The following DENND5B variants were observed in gnomAD, a reference collection of about 807,000 sequenced individuals.
DENND5B encodes DENN domain containing 5B.
Under a neutral mutation model 140.6 loss-of-function variants are expected in DENND5B, and 34 were observed. The ratio of observed to expected loss-of-function variants is 0.24; its 90% CI spans 0.18 to 0.32. DENND5B has a LOEUF of 0.32. Ranked by LOEUF, DENND5B falls within the 10% of genes least tolerant of loss-of-function variation. The pLI, the probability that DENND5B is intolerant of heterozygous loss-of-function variation, is 1.00. For missense variants in DENND5B, 1,142 were observed against 1,560.2 expected (o/e 0.73, Z 4.52); for synonymous variants, 551 against 562.1 (o/e 0.98, Z 0.28).
intron 3 of DENND5B, among the ~76,000 whole-genome samples, chr12:31,463,071 C>T (rs1284525385): frequency 8.1e-4 from 123 of 152,058 alleles, no homozygotes; most frequent in Admixed American, 7.9e-3. Flanking sequence ...AAGACTAGCC[C>T]GCCCATCATG....
intron 1 of DENND5B, among the ~76,000 whole-genome samples, chr12:31,527,375 A>G (rs1175472218): frequency 1.3e-5 from 2 of 152,006 alleles, no homozygotes; most frequent in East Asian, 3.9e-4. Flanking sequence ...TGAAGAGGAG[A>G]GAAAGCTCCA....
rs529356094 is a variant in DENND5B at position 31,398,634 on chromosome 12, G to A, written c.3069-272C>T. On this transcript the variant is annotated intron_variant, in intron 16 of 20. Transcript: ENST00000389082. Reference sequence around the variant, plus strand: ...TTTCAAACTAGAAATTAATTTGGGAGTTCAGGCACAGAAGAAAAGAGGACA... The same window carrying A: ...TTTCAAACTAGAAATTAATTTGGGAATTCAGGCACAGAAGAAAAGAGGACA... Among the ~76,000 whole-genome samples, 6 of 152,216 alleles carry A rather than the reference G, an allele frequency of 3.9e-5. No homozygotes were observed. The South Asian group carries it at 1.2e-3, about 32-fold the overall frequency.
At chr12:31,545,516 A>AT (rs1489328873) in intron 1 of DENND5B, among the ~76,000 whole-genome samples, 1 of 152,228 alleles carries the variant, frequency 6.6e-6, no homozygotes, top group Non-Finnish European at 1.5e-5. Context: ...ACAGTGAAAA[A>AT]TTATAAATGA....
At chr12:31,507,633 A>AT (rs1319277068) in intron 1 of DENND5B, among the ~76,000 whole-genome samples, 1 of 152,270 alleles carries the variant, frequency 6.6e-6, no homozygotes, top group Non-Finnish European at 1.5e-5. Flanking sequence ...AGAAAAAAAA[A>AT]TTTTTTAAGT....
At chr12:31,558,337 A>G (rs758054547) in intron 1 of DENND5B, among the ~76,000 whole-genome samples, 20 of 152,162 alleles carry the variant, frequency 1.3e-4, no homozygotes, top group Non-Finnish European at 2.5e-4. Context: ...ACTCTCCACA[A>G]TGACATGAGT....
At chr12:31,546,103 T>TTAA (rs1219282436) in intron 1 of DENND5B, among the ~76,000 whole-genome samples, 1 of 152,086 alleles carries the variant, frequency 6.6e-6, no homozygotes, top group African/African-American at 2.4e-5. Context: ...CTTTCTAGTT[T>TTAA]TAATAACCAG....
chr12:31,436,778 G>A (rs574335440), intron 7 of DENND5B, among the ~76,000 whole-genome samples: 14 of 151,858 alleles, frequency 9.2e-5, no homozygotes, highest in East Asian at 3.9e-4. Context: ...CAGGTGATCC[G>A]CCCGCCTCAG....
intron 1 of DENND5B, among the ~76,000 whole-genome samples, chr12:31,523,055 T>C (rs909529165): frequency 6.8e-6 from 1 of 147,488 alleles, no homozygotes; most frequent in Non-Finnish European, 1.5e-5. Flanking sequence ...GTGCCTTTTT[T>C]TTTCCTTTTT....
At chr12:31,577,470 G>T (rs1210059015) in intron 1 of DENND5B, among the ~76,000 whole-genome samples, 1 of 151,862 alleles carries the variant, frequency 6.6e-6, no homozygotes, top group Admixed American at 6.6e-5. Flanking sequence ...CAGCACTTTG[G>T]GAGGCCGAGG....
Position 31,515,155 on chromosome 12 carries a change from A to G in DENND5B, c.128-19236T>C, listed in dbSNP as rs373823117. Among the ~76,000 whole-genome samples the G allele has an allele frequency of 2.2e-4, 33 of 152,212 alleles. No individual in the cohort carries two copies. In the East Asian group the frequency reaches 5.2e-3, roughly 24 times the overall value. On this transcript the variant is annotated intron_variant, in intron 1 of 20. Coordinates refer to ENST00000389082, the MANE Select transcript of DENND5B (RefSeq NM_144973.4). ...AAAACAGAACGTAAGACTTGCGATT[A>G]TAAGCCGAGTGTGGTGGTGCATGTC... is the stretch of plus-strand genomic sequence containing the variant.
chr12:31,529,150 G>A (rs1328607917), intron 1 of DENND5B, among the ~76,000 whole-genome samples: 2 of 119,944 alleles, frequency 1.7e-5, no homozygotes, highest in East Asian at 2.6e-4. Context: ...GCAACAGAGC[G>A]AAACTCTGTC....
At chr12:31,409,219 T>C (rs760523345) in intron 14 of DENND5B, 44 bp downstream of exon 14, 144 of 1,505,894 alleles carry the variant, frequency 9.6e-5, no homozygotes, top group East Asian at 2.2e-4. Flanking sequence ...TTTTATTGCA[T>C]TGGTCACCTC....
chr12:31,454,948 A>G (rs1339638345), intron 4 of DENND5B, among the ~76,000 whole-genome samples: 3 of 150,182 alleles, frequency 2.0e-5, no homozygotes, highest in East Asian at 3.9e-4. Flanking sequence ...CCTCCCAAGT[A>G]GCTGGGACTA....
chr12:31,408,059 G>A (rs1942228983), intron 14 of DENND5B, among the ~76,000 whole-genome samples: 1 of 152,200 alleles, frequency 6.6e-6, no homozygotes. Context: ...ACATTGGGAG[G>A]TTGAGGCGGA....
At position 31,460,389 on chromosome 12, in the gene DENND5B, G is replaced by C; in HGVS notation, c.905-8C>G. The C allele has an allele frequency of 5.0e-6, 8 of 1,605,202 alleles. No homozygotes were observed. Among genetic ancestry groups the C allele is most frequent in the Non-Finnish European group, 6.8e-6 (8 of 1,174,042 alleles). On this transcript the variant is annotated splice_region_variant and splice_polypyrimidine_tract_variant and intron_variant, in intron 3 of 20. Coordinates refer to ENST00000389082, the MANE Select transcript of DENND5B (RefSeq NM_144973.4). ...TCATCAGGCGTTGATAATCTGCACAGAACAAGGAAAAAGGAAAGGGAAGAG... is the reference window on the plus strand; with the variant it reads ...TCATCAGGCGTTGATAATCTGCACACAACAAGGAAAAAGGAAAGGGAAGAG...
At chr12:31,416,064 C>T (rs1436353037) in intron 11 of DENND5B, among the ~76,000 whole-genome samples, 4 of 151,758 alleles carry the variant, frequency 2.6e-5, no homozygotes, top group South Asian at 2.1e-4. Flanking sequence ...CTTGAACTCC[C>T]GATCTGAGGT....
intron 20 of DENND5B, among the ~76,000 whole-genome samples, chr12:31,388,226 CTTTTTTTTTTTT>C (rs35891849): frequency 1.1e-5 from 1 of 91,480 alleles, no homozygotes; most frequent in Non-Finnish European, 2.0e-5. Context: ...TAGGGACTTG[CTTTTTTTTTTTT>C]TTTTTTTTTT....
chr12:31,477,079 TC>T (rs1360674041), intron 3 of DENND5B, among the ~76,000 whole-genome samples: 1 of 151,666 alleles, frequency 6.6e-6, no homozygotes, highest in African/African-American at 2.4e-5. Flanking sequence ...AATACAAAAA[TC>T]AGCTGGGTGT....
At chr12:31,581,032 G>A (rs1262198851) in intron 1 of DENND5B, among the ~76,000 whole-genome samples, 2 of 152,160 alleles carry the variant, frequency 1.3e-5, no homozygotes, top group African/African-American at 4.8e-5. Context: ...TTGAGCCTAG[G>A]AGGTTGAGGC....
Sources: gnomAD v4.1 joint callset for allele counts (sites outside exome capture counted in the v4.1 genomes callset) on GRCh38, gnomAD v4.1.1 for gene constraint, MANE v1.5 for transcripts, NCBI Gene and HGNC (gene_info 2026-07-23, HGNC 2026-07-21) for gene names.